Variants in HSD17B12 observed in about 807,000 individuals in gnomAD.
HSD17B12 encodes hydroxysteroid 17-beta dehydrogenase 12.
In HSD17B12, 32 loss-of-function variants were observed where a neutral mutation model predicts 39.3. That is an observed-to-expected ratio of 0.81 (90% CI 0.61 to 1.09). The LOEUF is 1.09. HSD17B12 is among the 50% of genes least tolerant of loss of function. HSD17B12 has a pLI of 0.00. For missense variants in HSD17B12, 342 were observed against 382.9 expected, an observed-to-expected ratio of 0.89 and a Z score of 0.89; for synonymous variants, 150 against 146.7, an observed-to-expected ratio of 1.02 and a Z score of -0.16.
At chr11:43,690,381 TATA>T (rs1949845242) in intron 1 of HSD17B12, among the ~76,000 whole-genome samples, 8 of 13,822 alleles carry the variant, frequency 5.8e-4, no homozygotes, top group African/African-American at 1.3e-3. Context: ...TATATATATA[TATA>T]TATATATATA....
the HSD17B12 span, among the ~76,000 whole-genome samples, chr11:43,557,967 G>A: frequency 6.6e-6 from 1 of 152,154 alleles, no homozygotes; most frequent in Non-Finnish European, 1.5e-5. Flanking sequence ...AGATCGTATG[G>A]TGCTTGGGGC....
intron 4 of HSD17B12, among the ~76,000 whole-genome samples, chr11:43,800,892 A>C (rs1176876903): frequency 1.3e-5 from 2 of 152,166 alleles, no homozygotes; most frequent in Non-Finnish European, 2.9e-5. Flanking sequence ...TAATCTGAGC[A>C]CTTTGGGAGG....
At chr11:43,755,788 T>A (rs948718047) in intron 3 of HSD17B12, among the ~76,000 whole-genome samples, 2 of 152,250 alleles carry the variant, frequency 1.3e-5, no homozygotes, top group African/African-American at 4.8e-5. Context: ...ATTGGACAGA[T>A]AGCTTCACTT....
chr11:43,706,724 T>TGTGTGTGTGG (rs1204580097), intron 1 of HSD17B12, among the ~76,000 whole-genome samples: 1 of 80,302 alleles, frequency 1.2e-5, no homozygotes, highest in African/African-American at 4.5e-5. Flanking sequence ...GTGTGTGTTG[T>TGTGTGTGTGG]GGGGGGTGGG....
intron 1 of HSD17B12, among the ~76,000 whole-genome samples, chr11:43,746,790 C>T (rs574869651): frequency 2.6e-5 from 4 of 152,244 alleles, no homozygotes; most frequent in Admixed American, 6.5e-5. Context: ...ACCACAAACA[C>T]GTGATTAATG....
chr11:43,636,544 A>G, the HSD17B12 span, among the ~76,000 whole-genome samples: 5 of 152,184 alleles, frequency 3.3e-5, no homozygotes, highest in Admixed American at 6.5e-5. Flanking sequence ...TCTTTAAAAA[A>G]ACCAAAAAAC....
At chr11:43,760,765 A>T (rs1950549356) in intron 3 of HSD17B12, among the ~76,000 whole-genome samples, 1 of 152,238 alleles carries the variant, frequency 6.6e-6, no homozygotes, top group African/African-American at 2.4e-5. Flanking sequence ...AGGCATTAGT[A>T]AACACCTGTA....
At chr11:43,850,262 A>C (rs1590350002) in intron 9 of HSD17B12, among the ~76,000 whole-genome samples, 2 of 152,314 alleles carry the variant, frequency 1.3e-5, no homozygotes, top group Admixed American at 1.3e-4. Flanking sequence ...CCAAAACTAT[A>C]ATATAGGTGT....
chr11:43,583,702 C>T, the HSD17B12 span, among the ~76,000 whole-genome samples: 1 of 151,546 alleles, frequency 6.6e-6, no homozygotes, highest in African/African-American at 2.4e-5. Context: ...CCTCTATGTA[C>T]CCTCAAACTG....
chr11:43,734,085 G>T, intron 1 of HSD17B12: 1 of 1,039,760 alleles, frequency 9.6e-7, no homozygotes, highest in Non-Finnish European at 1.5e-6. Flanking sequence ...CACCAGCATC[G>T]GAGAGGACTA....
the HSD17B12 span, among the ~76,000 whole-genome samples, chr11:43,585,248 G>T: frequency 1.3e-5 from 2 of 152,160 alleles, no homozygotes; most frequent in Non-Finnish European, 2.9e-5. Context: ...AAAATCTCTT[G>T]CTATAGAGCT....
intron 3 of HSD17B12, among the ~76,000 whole-genome samples, chr11:43,790,222 G>A (rs1378351748): frequency 1.3e-5 from 2 of 152,146 alleles, no homozygotes; most frequent in African/African-American, 4.8e-5. Flanking sequence ...GACGCTAAAA[G>A]CAAGGCTAAA....
At chr11:43,760,582 A>G (rs1950547760) in intron 3 of HSD17B12, among the ~76,000 whole-genome samples, 3 of 152,184 alleles carry the variant, frequency 2.0e-5, no homozygotes, top group Admixed American at 2.0e-4. Flanking sequence ...GAGTAGGATA[A>G]GGTAAGAAAT....
intron 3 of HSD17B12, among the ~76,000 whole-genome samples, chr11:43,769,649 T>TA (rs1590284237): frequency 6.6e-6 from 1 of 152,230 alleles, no homozygotes; most frequent in Admixed American, 6.5e-5. Flanking sequence ...ATGAATCACT[T>TA]AAAATCAGTG....
At chr11:43,589,252 T>C in the HSD17B12 span, among the ~76,000 whole-genome samples, 1 of 152,198 alleles carries the variant, frequency 6.6e-6, no homozygotes, top group Non-Finnish European at 1.5e-5. Context: ...TTTTGTCTCC[T>C]CCTAAAACAC....
Position 43,714,351 on chromosome 11 carries a change from G to A in HSD17B12, c.160+33364G>A, listed in dbSNP as rs377354486. 2.6e-4 allele frequency among the ~76,000 whole-genome samples: 40 copies of A among 152,308 alleles called. No individual in the cohort carries two copies. In the South Asian group the frequency reaches 8.1e-3, roughly 31 times the overall value. ...TCAGCTTTCTCCATATGGCTAGCCAGTTTTCCCAGCACCATTTATTAAATA... is the reference window on the plus strand; with the variant it reads ...TCAGCTTTCTCCATATGGCTAGCCAATTTTCCCAGCACCATTTATTAAATA... On this transcript the variant is annotated intron_variant, in intron 1 of 10. Coordinates refer to ENST00000278353, the MANE Select transcript of HSD17B12 (RefSeq NM_016142.3).
chr11:43,564,227 C>A, the HSD17B12 span, among the ~76,000 whole-genome samples: 2 of 152,278 alleles, frequency 1.3e-5, no homozygotes, highest in Admixed American at 6.5e-5. Context: ...CCCTGACCAC[C>A]ACATCTTGAG....
intron 8 of HSD17B12, 57 bp from the exon 9 acceptor site, chr11:43,839,942 A>G: frequency 1.5e-6 from 2 of 1,341,448 alleles, no homozygotes; most frequent in South Asian, 2.4e-5. Flanking sequence ...CATGGCTACA[A>G]ATCAGGCAGA....
At chr11:43,594,413 GA>G in the HSD17B12 span, among the ~76,000 whole-genome samples, 1 of 150,552 alleles carries the variant, frequency 6.6e-6, no homozygotes, top group African/African-American at 2.4e-5. Flanking sequence ...ATTCAATATA[GA>G]AAAAAAAGTA....
Sources: gnomAD v4.1 joint callset for allele counts (sites outside exome capture counted in the v4.1 genomes callset) on GRCh38, gnomAD v4.1.1 for gene constraint, MANE v1.5 for transcripts, NCBI Gene and HGNC (gene_info 2026-07-23, HGNC 2026-07-21) for gene names.